OSTM1: variants seen among roughly 807,000 people sequenced by gnomAD.
OSTM1 encodes the protein osteoclastogenesis associated transmembrane protein 1.
Under a neutral mutation model 35.4 loss-of-function variants are expected in OSTM1, and 26 were observed. The ratio of observed to expected loss-of-function variants is 0.73; its 90% CI spans 0.54 to 1.02. The LOEUF is 1.02. OSTM1 is among the 50% of genes least tolerant of loss of function. The pLI, the probability that OSTM1 is intolerant of heterozygous loss-of-function variation, is 0.00. For missense variants in OSTM1, 366 were observed against 409.6 expected (o/e 0.89, Z 0.92); for synonymous variants, 181 against 165.0 (o/e 1.10, Z -0.75).
intron 1 of OSTM1, among the ~76,000 whole-genome samples, chr6:108,069,916 A>G (rs6928939): frequency 0.31 from 46,630 of 152,000 alleles, 7,542 homozygotes; most frequent in Admixed American, 0.46. Flanking sequence ...TTTTCTCCTT[A>G]TTATACTCCT....
At chr6:108,053,284 T>C (rs1016893655) in intron 3 of OSTM1, among the ~76,000 whole-genome samples, 1 of 152,210 alleles carries the variant, frequency 6.6e-6, no homozygotes, top group African/African-American at 2.4e-5. Flanking sequence ...ATTTTTGGAC[T>C]GCAGTTGGCC....
Position 108,074,703 on chromosome 6 carries a change from C to T in OSTM1, c.-52G>A, listed in dbSNP as rs886060974. ...CCACCGCCGCCTCTCCGCCCCCAGCCGGCACCGCGGACAGCCGCCGCTTCC... is the reference window on the plus strand; with the variant it reads ...CCACCGCCGCCTCTCCGCCCCCAGCTGGCACCGCGGACAGCCGCCGCTTCC... On this transcript the variant is annotated 5_prime_UTR_variant, in exon 1 of 6. Coordinates refer to ENST00000193322, the MANE Select transcript of OSTM1 (RefSeq NM_014028.4). 4.8e-6 allele frequency: 7 copies of T among 1,459,326 alleles called. No homozygotes were observed. The highest frequency in any genetic ancestry group is 6.3e-6 in the Non-Finnish European group (7 of 1,113,420). 90.4% of individuals were successfully genotyped at this position (1,459,326 alleles called of 1,614,324 possible). A position where few individuals can be genotyped will look rare whatever the true frequency, so the allele number is the denominator to read the frequency against.
rs994662541 is a variant in OSTM1 at position 108,074,699 on chromosome 6, C to G, written c.-48G>C. ...GAGCCCACCGCCGCCTCTCCGCCCCCAGCCGGCACCGCGGACAGCCGCCGC... is the reference window on the plus strand; with the variant it reads ...GAGCCCACCGCCGCCTCTCCGCCCCGAGCCGGCACCGCGGACAGCCGCCGC... On this transcript the variant is annotated 5_prime_UTR_variant, in exon 1 of 6. Coordinates refer to ENST00000193322, the MANE Select transcript of OSTM1 (RefSeq NM_014028.4). 11 of 1,470,366 alleles carry G rather than the reference C, an allele frequency of 7.5e-6. No individual in the cohort carries two copies. Among genetic ancestry groups the G allele is most frequent in the African/African-American group, 2.9e-5 (2 of 67,840 alleles). The allele number at this position is 1,470,366 out of a possible 1,614,324, so 91.1% of individuals were successfully genotyped here. A position where few individuals can be genotyped will look rare whatever the true frequency, so the allele number is the denominator to read the frequency against.
intron 5 of OSTM1, among the ~76,000 whole-genome samples, chr6:108,048,006 G>A (rs553843729): frequency 2.0e-5 from 3 of 152,192 alleles, no homozygotes; most frequent in Non-Finnish European, 4.4e-5. Context: ...AAGGACCTGA[G>A]CTACTGCATA....
At chr6:108,073,610 C>T (rs1772526212) in intron 1 of OSTM1, 1 of 152,358 alleles carries the variant, frequency 6.6e-6, no homozygotes, top group Non-Finnish European at 1.5e-5. Context: ...TAAACAGGCA[C>T]AGAGAATGTA....
chr6:108,070,793 G>A (rs568499648), intron 1 of OSTM1, among the ~76,000 whole-genome samples: 59 of 151,954 alleles, frequency 3.9e-4, no homozygotes, highest in African/African-American at 1.3e-3. Flanking sequence ...GGGAGGCTGA[G>A]GCAGGAGAAT....
rs1197705678 is a variant in OSTM1 at position 108,064,302 on chromosome 6, G to A, written c.403-3C>T. The A allele has an allele frequency of 1.5e-5, 22 of 1,457,866 alleles. No homozygotes were observed. Among genetic ancestry groups the A allele is most frequent in the Middle Eastern group, 1.7e-4 (1 of 5,774 alleles). The allele number at this position is 1,457,866 out of a possible 1,614,324, so 90.3% of individuals were successfully genotyped here. On this transcript the variant is annotated splice_polypyrimidine_tract_variant and splice_region_variant and intron_variant, in intron 1 of 5. Coordinates refer to ENST00000193322, the MANE Select transcript of OSTM1 (RefSeq NM_014028.4). ...CAACTCTGACTCTCTGAAGTATTCT[G>A]TAACAAAAAGAAGACAGAAAAATAC... is the stretch of plus-strand genomic sequence containing the variant.
At chr6:108,046,262 C>T (rs1041110472) in intron 5 of OSTM1, among the ~76,000 whole-genome samples, 7 of 148,826 alleles carry the variant, frequency 4.7e-5, no homozygotes, top group Non-Finnish European at 1.0e-4. Flanking sequence ...CCTCATGATC[C>T]GTCTGCCCCG....
chr6:108,059,763 C>A (rs1053482284), intron 2 of OSTM1, among the ~76,000 whole-genome samples: 4 of 151,960 alleles, frequency 2.6e-5, no homozygotes, highest in South Asian at 2.1e-4. Flanking sequence ...AGAAGTGAGG[C>A]CTTTAGGAAG....
intron 2 of OSTM1, among the ~76,000 whole-genome samples, chr6:108,056,681 C>G (rs1343036734): frequency 6.6e-6 from 1 of 152,198 alleles, no homozygotes; most frequent in Non-Finnish European, 1.5e-5. Context: ...CCCCATTCAC[C>G]TCCTTGTACA....
At chr6:108,058,923 T>A (rs1356316364) in intron 2 of OSTM1, among the ~76,000 whole-genome samples, 1 of 152,248 alleles carries the variant, frequency 6.6e-6, no homozygotes, top group African/African-American at 2.4e-5. Flanking sequence ...ACATCGGGAT[T>A]ACACAGTGGT....
Position 108,043,563 on chromosome 6 carries a change from T to C in OSTM1, c.*1222A>G, listed in dbSNP as rs1771908878. The C allele has an allele frequency of 1.3e-5, 2 of 152,232 alleles. No homozygotes were observed. The highest frequency in any genetic ancestry group is 1.5e-5 in the Non-Finnish European group (1 of 68,018). The allele number at this position is 152,232 out of a possible 1,614,324, so 9.4% of individuals were successfully genotyped here. On this transcript the variant is annotated 3_prime_UTR_variant, in exon 6 of 6. Coordinates refer to ENST00000193322, the MANE Select transcript of OSTM1 (RefSeq NM_014028.4). Reference sequence around the variant, plus strand: ...TTTCCACCAAAAAAGCAAGAAGAAATTAATAAATGAAATCCTGAACTCTAA... The same window carrying C: ...TTTCCACCAAAAAAGCAAGAAGAAACTAATAAATGAAATCCTGAACTCTAA...
chr6:108,067,570 GCCTGTAT>G (rs948994394), intron 1 of OSTM1, among the ~76,000 whole-genome samples: 1 of 127,192 alleles, frequency 7.9e-6, no homozygotes, highest in Non-Finnish European at 1.6e-5. Flanking sequence ...CGTGGCTCAC[GCCTGTAT>G]CCCAATACTT....
chr6:108,066,199 G>A (rs1442033588), intron 1 of OSTM1, among the ~76,000 whole-genome samples: 1 of 152,138 alleles, frequency 6.6e-6, no homozygotes, highest in South Asian at 2.1e-4. Flanking sequence ...AGCAGTTTGA[G>A]GAATACATCT....
intron 1 of OSTM1, among the ~76,000 whole-genome samples, chr6:108,070,654 C>A (rs1360697466): frequency 6.6e-6 from 1 of 150,814 alleles, no homozygotes; most frequent in African/African-American, 2.4e-5. Context: ...CTCTGGGAGG[C>A]CGAGCCGGGT....
In OSTM1 at chr6:108,064,484, T is replaced by A. The variant is rs554903065; in HGVS notation, c.403-185A>T. 7.2e-5 allele frequency among the ~76,000 whole-genome samples: 11 copies of A among 152,354 alleles called. No individual in the cohort carries two copies. In the East Asian group the frequency reaches 1.2e-3, roughly 16 times the overall value. ...GTAATTAGCAGCTAACATTTATTGG[T>A]ACTAGGTTCACTTGCAAAGGAAGAA... On this transcript the variant is annotated intron_variant, in intron 1 of 5. Transcript: ENST00000193322.
At chr6:108,070,557 A>T (rs145810157) in intron 1 of OSTM1, among the ~76,000 whole-genome samples, 1 of 152,264 alleles carries the variant, frequency 6.6e-6, no homozygotes, top group Non-Finnish European at 1.5e-5. Flanking sequence ...CTAAAAACTG[A>T]TTTCAATAAA....
In OSTM1 at chr6:108,044,671, C is replaced by T. The variant is rs1771935390; in HGVS notation, c.*114G>A. 2 of 622,914 alleles carry T rather than the reference C, an allele frequency of 3.2e-6. No homozygotes were observed. Among genetic ancestry groups the T allele is most frequent in the African/African-American group, 3.7e-5 (2 of 54,654 alleles). The allele number at this position is 622,914 out of a possible 1,614,324, so 38.6% of individuals were successfully genotyped here. ...CTTATTTAAAAATGGATCTGAAGTC[C>T]TTGTATTTCTTAAGAGCTTGACTTG... On this transcript the variant is annotated 3_prime_UTR_variant, in exon 6 of 6. Transcript: ENST00000193322.
chr6:108,061,229 A>T (rs923981789), intron 2 of OSTM1, among the ~76,000 whole-genome samples: 3 of 152,116 alleles, frequency 2.0e-5, no homozygotes, highest in Non-Finnish European at 4.4e-5. Flanking sequence ...CTGACAAGGG[A>T]AAAAAACTGG....
Sources: gnomAD v4.1 joint callset for allele counts (sites outside exome capture counted in the v4.1 genomes callset) on GRCh38, gnomAD v4.1.1 for gene constraint, MANE v1.5 for transcripts, NCBI Gene and HGNC (gene_info 2026-07-23, HGNC 2026-07-21) for gene names.